Variants in GAB2 observed in about 807,000 individuals in gnomAD.
GAB2 encodes the protein GRB2 associated binding protein 2, also known as GRB2-associated-binding protein 2.
A neutral mutation model predicts 65.5 loss-of-function variants in GAB2; 26 were observed. That is an observed-to-expected ratio of 0.40 (90% CI 0.29 to 0.55). The LOEUF (loss-of-function observed/expected upper bound fraction) is 0.55, where lower values mean the gene tolerates loss of function less well. GAB2 is among the 20% of genes least tolerant of loss of function. The probability of loss-of-function intolerance (pLI) is 0.53; values close to 1 mark genes in which losing one functional copy is unlikely to be tolerated. For synonymous variants in GAB2, 321 were observed against 329.6 expected (o/e 0.97, Z 0.28); for missense variants, 884 against 875.8 (o/e 1.01, Z -0.12).
At chr11:78,270,661 GTATAGAC>G (rs1290486508) in intron 2 of GAB2, among the ~76,000 whole-genome samples, 2 of 152,328 alleles carry the variant, frequency 1.3e-5, no homozygotes, top group South Asian at 2.1e-4. Flanking sequence ...CGTAAGTGTT[GTATAGAC>G]TATAAAGTTC....
At chr11:78,258,555 G>T (rs989445658) in intron 2 of GAB2, among the ~76,000 whole-genome samples, 1 of 151,636 alleles carries the variant, frequency 6.6e-6, no homozygotes, top group Non-Finnish European at 1.5e-5. Context: ...GTTTTCTTAA[G>T]AAGCTTCTTA....
chr11:78,347,686 A>G (rs1367137245), intron 1 of GAB2, among the ~76,000 whole-genome samples: 2 of 152,244 alleles, frequency 1.3e-5, no homozygotes, highest in Non-Finnish European at 1.5e-5. Flanking sequence ...CTCCTACAAG[A>G]AAACATAGGA....
At chr11:78,373,929 T>C (rs934599004) in intron 1 of GAB2, among the ~76,000 whole-genome samples, 7 of 152,284 alleles carry the variant, frequency 4.6e-5, no homozygotes, top group South Asian at 2.1e-4. Flanking sequence ...CGACACACAG[T>C]TGGAATCAAC....
chr11:78,377,771 C>T (rs1172122252), intron 1 of GAB2, among the ~76,000 whole-genome samples: 3 of 152,122 alleles, frequency 2.0e-5, no homozygotes, highest in Non-Finnish European at 2.9e-5. Context: ...TTACTTACTA[C>T]GTAGTTAAGT....
intron 2 of GAB2, among the ~76,000 whole-genome samples, chr11:78,268,783 A>G (rs948662): frequency 0.2 from 30,225 of 151,208 alleles, 3,254 homozygotes; most frequent in East Asian, 0.4. Context: ...ACTTAGAACG[A>G]AGAGAATAGG....
intron 8 of GAB2, 139 bp from the exon 9 acceptor site, chr11:78,220,583 T>C (rs1864375750): frequency 1.6e-6 from 1 of 627,160 alleles, no homozygotes; most frequent in African/African-American, 1.9e-5. Flanking sequence ...ACTTTTCATG[T>C]TTTCATTTTA....
chr11:78,407,529 A>G (rs1857060728), intron 1 of GAB2, among the ~76,000 whole-genome samples: 1 of 151,966 alleles, frequency 6.6e-6, no homozygotes, highest in Non-Finnish European at 1.5e-5. Context: ...GCTACTAGGG[A>G]GGCTGAGGCA....
intron 1 of GAB2, among the ~76,000 whole-genome samples, chr11:78,412,986 G>C (rs1164771662): frequency 6.6e-6 from 1 of 152,234 alleles, no homozygotes; most frequent in African/African-American, 2.4e-5. Context: ...GGGATAGTGG[G>C]TGACGGGGAG....
chr11:78,416,926 G>A (rs73502988), intron 1 of GAB2, among the ~76,000 whole-genome samples: 2,666 of 152,254 alleles, frequency 0.018, 72 homozygotes, highest in African/African-American at 0.061. Context: ...TGGCCGCGGA[G>A]AGCCTCGATC....
chr11:78,411,046 G>A (rs773578986), intron 1 of GAB2, among the ~76,000 whole-genome samples: 5 of 151,930 alleles, frequency 3.3e-5, no homozygotes, highest in Non-Finnish European at 7.4e-5. Context: ...CCAATTACTT[G>A]GGAGGCTGAG....
chr11:78,241,971 TCATC>T (rs1865147150), intron 3 of GAB2, among the ~76,000 whole-genome samples: 1 of 152,182 alleles, frequency 6.6e-6, no homozygotes, highest in South Asian at 2.1e-4. Context: ...TAACAACACT[TCATC>T]CAACAGCTGC....
In GAB2 at chr11:78,223,460, C is replaced by A; in HGVS notation, c.1519G>T (p.Glu507Ter). ...CGGTTGACAGGGGGTGGCTGAATCT[C>A]ACTTCCTCTGCTGGGGCCTCGGTGC... The part of the protein sequence containing the change: ...PVHRGPSRGS[E>*]IQPPPVNRNL... The change falls in exon 6 of 10, where the codon GAG (glutamate) becomes TAG (stop). Residue 507 changes from glutamate to a stop codon, truncating the protein, a stop_gained. Coordinates refer to ENST00000361507, the MANE Select transcript of GAB2 (RefSeq NM_080491.3). LOFTEE classifies it high-confidence loss of function. 6.3e-7 allele frequency: 1 copy of A among 1,588,586 alleles called. No individual in the cohort carries two copies. The highest frequency in any genetic ancestry group is 1.1e-5 in the South Asian group (1 of 87,794).
chr11:78,347,860 C>A (rs568712910), intron 1 of GAB2, among the ~76,000 whole-genome samples: 35 of 152,260 alleles, frequency 2.3e-4, no homozygotes, highest in African/African-American at 8.4e-4. Context: ...GAACCTTGAA[C>A]AACATGGGGG....
intron 1 of GAB2, among the ~76,000 whole-genome samples, chr11:78,325,556 T>A (rs778056007): frequency 2.0e-5 from 3 of 152,186 alleles, no homozygotes; most frequent in Non-Finnish European, 2.9e-5. Flanking sequence ...GTAGAGGACA[T>A]ACGAACATAC....
At chr11:78,342,440 C>T (rs967553372) in intron 1 of GAB2, among the ~76,000 whole-genome samples, 5 of 131,932 alleles carry the variant, frequency 3.8e-5, no homozygotes, top group East Asian at 4.7e-4. Context: ...GACGGAGTCT[C>T]GCTTTGTCGC....
At chr11:78,288,814 G>T (rs755566020) in intron 1 of GAB2, among the ~76,000 whole-genome samples, 1 of 152,198 alleles carries the variant, frequency 6.6e-6, no homozygotes, top group African/African-American at 2.4e-5. Context: ...GTAGATGTAC[G>T]TAAGATTGTT....
chr11:78,292,056 T>A (rs772442930), intron 1 of GAB2, among the ~76,000 whole-genome samples: 1 of 151,750 alleles, frequency 6.6e-6, no homozygotes, highest in South Asian at 2.1e-4. Context: ...GTCTTTGTTA[T>A]TGGTGAATTT....
At chr11:78,299,453 C>T (rs898620955) in intron 1 of GAB2, among the ~76,000 whole-genome samples, 7 of 152,210 alleles carry the variant, frequency 4.6e-5, no homozygotes, top group Non-Finnish European at 7.3e-5. Flanking sequence ...ACTGTGAAGA[C>T]ACATGAACAT....
chr11:78,257,367 T>C (rs1865621785), intron 2 of GAB2, among the ~76,000 whole-genome samples: 1 of 152,170 alleles, frequency 6.6e-6, no homozygotes. Flanking sequence ...TCAGAACCCA[T>C]AAAGTGGTAG....
Sources: allele counts gnomAD v4.1 joint callset (sites outside exome capture counted in the v4.1 genomes callset), GRCh38; gene constraint gnomAD v4.1.1; transcripts MANE v1.5; gene names NCBI Gene and HGNC (gene_info 2026-07-23, HGNC 2026-07-21).